Variants in ATP2B2 observed in about 807,000 individuals in gnomAD.
The protein encoded by ATP2B2 is plasma membrane calcium-transporting ATPase 2.
In ATP2B2, 15 loss-of-function variants were observed where a neutral mutation model predicts 120.0. That is an observed-to-expected ratio of 0.12 (90% CI 0.08 to 0.19). The LOEUF is 0.19. Among genes scored for constraint, ATP2B2 ranks in the 10% least tolerant of loss-of-function variants. The pLI, the probability that ATP2B2 is intolerant of heterozygous loss-of-function variation, is 1.00. For missense variants in ATP2B2, 1,045 were observed against 1,719.8 expected, an observed-to-expected ratio of 0.61 and a Z score of 6.94; for synonymous variants, 694 against 700.3, an observed-to-expected ratio of 0.99 and a Z score of 0.14.
intron 2 of ATP2B2, among the ~76,000 whole-genome samples, chr3:10,541,278 C>T (rs1257575724): frequency 6.6e-6 from 1 of 152,112 alleles, no homozygotes; most frequent in African/African-American, 2.4e-5. Context: ...GATTTCTACT[C>T]TTAACTTTAT....
At chr3:10,462,137 C>A (rs561520277) in intron 1 of ATP2B2, among the ~76,000 whole-genome samples, 1 of 152,154 alleles carries the variant, frequency 6.6e-6, no homozygotes, top group African/African-American at 2.4e-5. Flanking sequence ...GTTCCCAGAC[C>A]GACCTTTCCA....
chr3:10,530,586 G>A (rs1278533690), intron 3 of ATP2B2, among the ~76,000 whole-genome samples: 1 of 152,178 alleles, frequency 6.6e-6, no homozygotes, highest in African/African-American at 2.4e-5. Flanking sequence ...CACAGACAGG[G>A]CTCACGTTTT....
chr3:10,634,309 G>A (rs900268381), intron 1 of ATP2B2, among the ~76,000 whole-genome samples: 3 of 152,242 alleles, frequency 2.0e-5, no homozygotes, highest in Non-Finnish European at 4.4e-5. Context: ...CTGTCAGTTG[G>A]TGGCAGCTGC....
intron 1 of ATP2B2, among the ~76,000 whole-genome samples, chr3:10,455,252 G>A (rs976638584): frequency 3.9e-5 from 6 of 152,134 alleles, no homozygotes; most frequent in African/African-American, 1.4e-4. Flanking sequence ...TGAGATGCAT[G>A]CACTGCCCTC....
chr3:10,447,812 G>A (rs574555815), intron 2 of ATP2B2, among the ~76,000 whole-genome samples: 53 of 152,330 alleles, frequency 3.5e-4, no homozygotes, highest in African/African-American at 1.2e-3. Context: ...ACACTATGAG[G>A]AAAGGTTACT....
At chr3:10,605,046 T>C (rs1347440251) in intron 2 of ATP2B2, among the ~76,000 whole-genome samples, 1 of 152,230 alleles carries the variant, frequency 6.6e-6, no homozygotes, top group Non-Finnish European at 1.5e-5. Flanking sequence ...GTGTCCCCAC[T>C]GTACAGACAT....
At chr3:10,363,459 C>T (rs775320005) in intron 12 of ATP2B2, among the ~76,000 whole-genome samples, 2 of 152,180 alleles carry the variant, frequency 1.3e-5, no homozygotes, top group Admixed American at 6.5e-5. Context: ...GCCCCAGAGC[C>T]CCTGATTCCA....
chr3:10,379,407 C>A, intron 8 of ATP2B2, 123 bp from the exon 9 acceptor site: 1 of 1,128,554 alleles, frequency 8.9e-7, no homozygotes. Context: ...CTGACTGCAT[C>A]CCTCTGTGTG....
intron 1 of ATP2B2, among the ~76,000 whole-genome samples, chr3:10,488,623 G>A (rs2065820048): frequency 6.6e-6 from 1 of 151,950 alleles, no homozygotes; most frequent in Non-Finnish European, 1.5e-5. Flanking sequence ...CAATGCGCTA[G>A]GTTCTGGGGT....
At chr3:10,447,362 G>T (rs1024701275) in intron 2 of ATP2B2, among the ~76,000 whole-genome samples, 1 of 152,230 alleles carries the variant, frequency 6.6e-6, no homozygotes, top group Non-Finnish European at 1.5e-5. Flanking sequence ...GAACTTGGCC[G>T]TGAGCTGCTC....
At chr3:10,664,531 T>C (rs888219079) in intron 1 of ATP2B2, among the ~76,000 whole-genome samples, 6 of 152,196 alleles carry the variant, frequency 3.9e-5, no homozygotes. Context: ...TCCTTGGTCA[T>C]GGGATTCGGC....
At chr3:10,625,367 G>A (rs1465145184) in intron 1 of ATP2B2, among the ~76,000 whole-genome samples, 1 of 152,184 alleles carries the variant, frequency 6.6e-6, no homozygotes, top group Non-Finnish European at 1.5e-5. Context: ...GGGTGGTGGA[G>A]CCAGGGGGAG....
intron 2 of ATP2B2, among the ~76,000 whole-genome samples, chr3:10,416,767 T>C (rs1354102222): frequency 3.3e-5 from 5 of 151,138 alleles, no homozygotes; most frequent in Non-Finnish European, 7.4e-5. Context: ...TCTTTTTCTT[T>C]TTTTTTTTTT....
At chr3:10,357,598 T>A (rs1302808035) in intron 14 of ATP2B2, among the ~76,000 whole-genome samples, 2 of 151,752 alleles carry the variant, frequency 1.3e-5, no homozygotes, top group African/African-American at 4.8e-5. Context: ...TCAGGGTAGG[T>A]CCATTAAGGA....
At position 10,387,741 on chromosome 3, in the gene ATP2B2, T is replaced by A. The variant is rs2061722521; in HGVS notation, c.907+536A>T. ...TTCAAGGAGGAGGAAGAATCAGAAC[T>A]CAGACAAGATGGTAGGTCTGGGAGC... On this transcript the variant is annotated intron_variant, in intron 6 of 22. Coordinates refer to ENST00000360273, the MANE Select transcript of ATP2B2 (RefSeq NM_001001331.4). The A allele has an allele frequency of 3.8e-5, 7 of 182,402 alleles. No individual in the cohort carries two copies. In the South Asian group the frequency reaches 8.3e-4, roughly 22 times the overall value. 11.3% of individuals were successfully genotyped at this position (182,402 alleles called of 1,614,324 possible). A position where few individuals can be genotyped will look rare whatever the true frequency, so the allele number is the denominator to read the frequency against.
intron 2 of ATP2B2, among the ~76,000 whole-genome samples, chr3:10,567,767 G>A (rs1161266273): frequency 6.6e-6 from 1 of 152,140 alleles, no homozygotes; most frequent in Non-Finnish European, 1.5e-5. Context: ...ATGTGGTGAT[G>A]GAAAACAATA....
intron 1 of ATP2B2, among the ~76,000 whole-genome samples, chr3:10,702,995 T>C (rs973267707): frequency 1.3e-5 from 2 of 152,230 alleles, no homozygotes; most frequent in Non-Finnish European, 2.9e-5. Context: ...ATGGAAGCTA[T>C]GCAGCCCCTC....
At chr3:10,500,157 C>T (rs1348697592) in intron 1 of ATP2B2, among the ~76,000 whole-genome samples, 10 of 151,778 alleles carry the variant, frequency 6.6e-5, no homozygotes, top group Admixed American at 3.3e-4. Context: ...AGGCTGGTCT[C>T]GAACTCCTGA....
chr3:10,368,182 ACT>A (rs1232152602), intron 12 of ATP2B2, among the ~76,000 whole-genome samples: 1 of 133,354 alleles, frequency 7.5e-6, no homozygotes. Flanking sequence ...CCTTGCAAAT[ACT>A]CTTTTTTTTT....
Sources: gnomAD v4.1 joint callset for allele counts (sites outside exome capture counted in the v4.1 genomes callset) on GRCh38, gnomAD v4.1.1 for gene constraint, MANE v1.5 for transcripts, NCBI Gene and HGNC (gene_info 2026-07-23, HGNC 2026-07-21) for gene names.